CCDC146: variants seen among roughly 807,000 people sequenced by gnomAD.
The protein encoded by CCDC146 is coiled-coil domain-containing protein 146.
CCDC146 carries 92 observed loss-of-function variants against 119.3 expected under a neutral mutation model. The observed-to-expected ratio is 0.77, with a 90% CI of 0.65 to 0.92. The LOEUF is 0.92. Among genes scored for constraint, CCDC146 ranks in the 40% least tolerant of loss-of-function variants. The pLI, the probability that CCDC146 is intolerant of heterozygous loss-of-function variation, is 0.00. For synonymous variants in CCDC146, 372 were observed against 371.8 expected, an observed-to-expected ratio of 1.00 and a Z score of -0.01; for missense variants, 1,000 against 1,103.0, an observed-to-expected ratio of 0.91 and a Z score of 1.32.
At chr7:77,280,717 A>C (rs1266755490) in intron 14 of CCDC146, 64 bp downstream of exon 14, 2 of 1,127,784 alleles carry the variant, frequency 1.8e-6, no homozygotes, top group Non-Finnish European at 2.6e-6. Flanking sequence ...CTCTTTTTCT[A>C]TCTAGACTTG....
intron 9 of CCDC146, among the ~76,000 whole-genome samples, 176 bp from the exon 10 acceptor site, chr7:77,273,506 TTTTATTTATTTA>T (rs150662330): frequency 2.0e-5 from 3 of 149,618 alleles, no homozygotes; most frequent in East Asian, 4.0e-4. Context: ...CAGCAGTGAA[TTTTATTTATTTA>T]TTTATTTATT....
intron 2 of CCDC146, among the ~76,000 whole-genome samples, chr7:77,181,269 T>A (rs1419469461): frequency 6.6e-6 from 1 of 152,114 alleles, no homozygotes; most frequent in African/African-American, 2.4e-5. Context: ...TTGGCTAGTT[T>A]GAATAATTTC....
At chr7:77,139,780 T>A (rs973207570) in intron 1 of CCDC146, among the ~76,000 whole-genome samples, 1 of 152,012 alleles carries the variant, frequency 6.6e-6, no homozygotes, top group Admixed American at 6.6e-5. Flanking sequence ...TTGTAAGAAA[T>A]CTATTAAAAA....
At chr7:77,189,905 C>T (rs976951871) in intron 2 of CCDC146, among the ~76,000 whole-genome samples, 4 of 152,214 alleles carry the variant, frequency 2.6e-5, no homozygotes, top group Non-Finnish European at 4.4e-5. Context: ...ACAGCACCCC[C>T]TTTTCTACTA....
chr7:77,154,673 A>G (rs1214886202), intron 1 of CCDC146, among the ~76,000 whole-genome samples: 1 of 151,886 alleles, frequency 6.6e-6, no homozygotes, highest in Non-Finnish European at 1.5e-5. Flanking sequence ...CATGGTGTAT[A>G]TGTGCCACAT....
intron 6 of CCDC146, 124 bp downstream of exon 6, chr7:77,256,633 A>C: frequency 1.4e-6 from 1 of 717,790 alleles, no homozygotes; most frequent in East Asian, 2.8e-5. Context: ...AAATATCTGC[A>C]TTGCGATTGA....
chr7:77,284,330 G>A (rs73706617), intron 15 of CCDC146, among the ~76,000 whole-genome samples: 1 of 151,990 alleles, frequency 6.6e-6, no homozygotes, highest in Admixed American at 6.6e-5. Flanking sequence ...TGCCTAGCTC[G>A]ATTTCACTGG....
chr7:77,286,831 G>A lies in CCDC146; in HGVS notation c.2182G>A (p.Glu728Lys), dbSNP rs748567532. ...GTGTACAGACAGAATTAAAGACCTG[G>A]AGAAACAGTTCGTAAAGCCTGATGG... ...SQCTDRIKDL[E>K]KQFVKPDGEN... Residue 728 changes from glutamate (E) to lysine (K), a missense_variant, in exon 16 of 19, where the codon GAG becomes AAG. This residue lies in a region of CCDC146 where 985 missense variants were observed against 1,045.3 expected (regional missense o/e 0.94). Transcript: ENST00000285871. 6 of 1,613,876 alleles carry A rather than the reference G, an allele frequency of 3.7e-6. No individual in the cohort carries two copies. The South Asian group carries it at 6.6e-5, about 18-fold the overall frequency.
At chr7:77,161,717 G>C (rs1415644459) in intron 1 of CCDC146, among the ~76,000 whole-genome samples, 6 of 151,740 alleles carry the variant, frequency 4.0e-5, no homozygotes, top group East Asian at 1.9e-4. Context: ...CAGCACACCA[G>C]CATGGCACAT....
chr7:77,294,754 C>CCACT lies in CCDC146; in HGVS notation c.2758_2761dup (p.Leu921HisfsTer15), dbSNP rs756676652. ...AATGCCTACATCCCAGAAGCAGATG[C>CCACT]CACTCTTCCTTTGCCAAAACCTTAT... On this transcript the variant is annotated frameshift_variant, in exon 19 of 19. Coordinates refer to ENST00000285871, the MANE Select transcript of CCDC146 (RefSeq NM_020879.3). LOFTEE classifies it high-confidence loss of function. 7 of 1,614,156 alleles carry CCACT rather than the reference C, an allele frequency of 4.3e-6. No homozygotes were observed. The highest frequency in any genetic ancestry group is 5.9e-6 in the Non-Finnish European group (7 of 1,180,020).
intron 1 of CCDC146, among the ~76,000 whole-genome samples, chr7:77,134,949 C>T (rs1790840615): frequency 6.6e-6 from 1 of 152,164 alleles, no homozygotes; most frequent in East Asian, 1.9e-4. Context: ...TGAAAGCACT[C>T]AGCAAGCCCA....
At chr7:77,154,789 C>T (rs1791158106) in intron 1 of CCDC146, among the ~76,000 whole-genome samples, 1 of 152,144 alleles carries the variant, frequency 6.6e-6, no homozygotes, top group African/African-American at 2.4e-5. Flanking sequence ...TTTATAGCAG[C>T]ATGATTTATA....
chr7:77,258,566 T>G (rs911897452), intron 6 of CCDC146, among the ~76,000 whole-genome samples: 5 of 152,224 alleles, frequency 3.3e-5, no homozygotes, highest in African/African-American at 1.2e-4. Flanking sequence ...CTTTATTATA[T>G]AATAAGCTTT....
intron 14 of CCDC146, among the ~76,000 whole-genome samples, chr7:77,281,113 C>CAA (rs368247535): frequency 0.011 from 1,393 of 131,690 alleles, 25 homozygotes; most frequent in African/African-American, 0.026. Context: ...CAAAAACAAA[C>CAA]AAAAAAAAAA....
intron 2 of CCDC146, among the ~76,000 whole-genome samples, chr7:77,202,548 A>C (rs1217268512): frequency 1.3e-5 from 2 of 152,160 alleles, no homozygotes; most frequent in Non-Finnish European, 2.9e-5. Context: ...ATTCCCTGAC[A>C]TAAGGGTAGA....
At chr7:77,277,593 GA>G (rs1407968479) in intron 11 of CCDC146, among the ~76,000 whole-genome samples, 1 of 150,638 alleles carries the variant, frequency 6.6e-6, no homozygotes, top group Non-Finnish European at 1.5e-5. Flanking sequence ...CAAAGGTGAA[GA>G]AAAAAAAACA....
chr7:77,154,145 G>T (rs1791146632), intron 1 of CCDC146, among the ~76,000 whole-genome samples: 1 of 152,062 alleles, frequency 6.6e-6, no homozygotes, highest in East Asian at 1.9e-4. Context: ...AGGGGTTGGG[G>T]GAGGTCCGAG....
At chr7:77,293,344 T>C in intron 18 of CCDC146, 144 bp downstream of exon 18, 1 of 898,180 alleles carries the variant, frequency 1.1e-6, no homozygotes, top group Non-Finnish European at 1.7e-6. Context: ...GTATTTAAGA[T>C]ATTCTATGAT....
chr7:77,232,054 T>C (rs1792640774), intron 2 of CCDC146, among the ~76,000 whole-genome samples: 1 of 152,224 alleles, frequency 6.6e-6, no homozygotes, highest in South Asian at 2.1e-4. Context: ...ACTAATACTG[T>C]GAAGTATATT....
Sources: gnomAD v4.1 joint callset for allele counts (sites outside exome capture counted in the v4.1 genomes callset) on GRCh38, gnomAD v4.1.1 for gene constraint, gnomAD v4.1.1 regional missense constraint, MANE v1.5 for transcripts, NCBI Gene and HGNC (gene_info 2026-07-23, HGNC 2026-07-21) for gene names.